SLC6A15: variants seen among roughly 807,000 people sequenced by gnomAD.
The protein encoded by SLC6A15 is solute carrier family 6 member 15.
In SLC6A15, 33 loss-of-function variants were observed where a neutral mutation model predicts 68.5. That is an observed-to-expected ratio of 0.48 (90% CI 0.37 to 0.64). The LOEUF is 0.64. Among genes scored for constraint, SLC6A15 ranks in the 30% least tolerant of loss-of-function variants. The pLI, the probability that SLC6A15 is intolerant of heterozygous loss-of-function variation, is 0.00. For synonymous variants in SLC6A15, 347 were observed against 301.0 expected (o/e 1.15, Z -1.58); for missense variants, 747 against 874.3 (o/e 0.85, Z 1.84).
intron 1 of SLC6A15, among the ~76,000 whole-genome samples, chr12:84,900,289 C>T (rs558692741): frequency 1.0e-3 from 152 of 151,968 alleles, no homozygotes; most frequent in African/African-American, 3.6e-3. Flanking sequence ...CTAGTATATG[C>T]AATATAACTG....
rs780121072 is a variant in SLC6A15, at chr12:84,861,604, A to T, written c.*28T>A. ...CAATGTTCATTGGTAAAAATGAACC[A>T]AATAAAACCCACTGACTTTTCCCCC... On this transcript the variant is annotated 3_prime_UTR_variant, in exon 12 of 12. Transcript: ENST00000266682. 2 of 1,564,196 alleles carry T rather than the reference A, an allele frequency of 1.3e-6. No homozygotes were observed. Among genetic ancestry groups the T allele is most frequent in the Non-Finnish European group, 1.7e-6 (2 of 1,152,762 alleles).
chr12:84,883,474 C>T, intron 5 of SLC6A15: 2 of 1,186,894 alleles, frequency 1.7e-6, no homozygotes, highest in Non-Finnish European at 2.1e-6. Flanking sequence ...TGATATCAAA[C>T]AAACAAAATG....
intron 4 of SLC6A15, among the ~76,000 whole-genome samples, chr12:84,884,624 A>T (rs1026763824): frequency 9.2e-5 from 14 of 152,050 alleles, no homozygotes; most frequent in African/African-American, 3.1e-4. Context: ...AAGTAATTTA[A>T]ACAAATCAGG....
rs111801594 is a variant in SLC6A15, at chr12:84,885,574, A to G, written c.448-13T>C. On this transcript the variant is annotated splice_polypyrimidine_tract_variant and intron_variant, in intron 3 of 11. Coordinates refer to ENST00000266682, the MANE Select transcript of SLC6A15 (RefSeq NM_182767.6). ...CAAAATAGCACACCTGCAAAATAAAATGATATCCCATTAAACCTCTCATAC... is the reference window on the plus strand; with the variant it reads ...CAAAATAGCACACCTGCAAAATAAAGTGATATCCCATTAAACCTCTCATAC... 1,017 of 1,608,086 alleles carry G rather than the reference A, an allele frequency of 6.3e-4. 4 individuals are homozygous for G. In the African/African-American group the frequency reaches 7.6e-3, roughly 12 times the overall value.
At position 84,892,160 on chromosome 12, in the gene SLC6A15, T is replaced by G. The variant is rs956311558; in HGVS notation, c.-40A>C. ...AGTATTTAAAAAAAAAAAAAAAAAC[T>G]CCCTTATGGCAAATGTGTTAACTCT... is the stretch of plus-strand genomic sequence containing the variant. On this transcript the variant is annotated 5_prime_UTR_variant, in exon 2 of 12. Coordinates refer to ENST00000266682, the MANE Select transcript of SLC6A15 (RefSeq NM_182767.6). 2.3e-6 allele frequency: 2 copies of G among 867,840 alleles called. No individual in the cohort carries two copies. The highest frequency in any genetic ancestry group is 3.1e-5 in the South Asian group (2 of 64,888). 53.8% of individuals were successfully genotyped at this position (867,840 alleles called of 1,614,324 possible).
At position 84,861,381 on chromosome 12, in the gene SLC6A15, TA is replaced by T. The variant is rs1036075018; in HGVS notation, c.*250del. 247 of 355,568 alleles carry T rather than the reference TA, an allele frequency of 6.9e-4. No homozygotes were observed. Among genetic ancestry groups the T allele is most frequent in the East Asian group, 1.0e-3 (25 of 24,010 alleles). The allele number at this position is 355,568 out of a possible 1,614,324, so 22.0% of individuals were successfully genotyped here. Reference sequence around the variant, plus strand: ...TATTTGAAAATACACCAAAGGTACTTAAAAAAAAATCCTGGCAAACATGTAC... The same window carrying T: ...TATTTGAAAATACACCAAAGGTACTTAAAAAAAATCCTGGCAAACATGTAC... On this transcript the variant is annotated 3_prime_UTR_variant, in exon 12 of 12. Coordinates refer to ENST00000266682, the MANE Select transcript of SLC6A15 (RefSeq NM_182767.6).
At position 84,911,468 on chromosome 12, in the gene SLC6A15, T is replaced by C. The variant is rs530682998; in HGVS notation, c.-189+1055A>G. ...ACCCCGCCCCGTCTTACTCCAGCCT[T>C]TCCCAGCTAGGGAGGAGGATGGAAA... On this transcript the variant is annotated intron_variant, in intron 1 of 11. Coordinates refer to ENST00000266682, the MANE Select transcript of SLC6A15 (RefSeq NM_182767.6). 2.0e-5 allele frequency among the ~76,000 whole-genome samples: 3 copies of C among 152,264 alleles called. No individual in the cohort carries two copies. The East Asian group carries it at 5.8e-4, about 30-fold the overall frequency.
intron 11 of SLC6A15, 139 bp from the exon 12 acceptor site, chr12:84,862,145 A>G: frequency 1.3e-6 from 1 of 795,078 alleles, no homozygotes; most frequent in Non-Finnish European, 1.9e-6. Flanking sequence ...AAGCAGTAGA[A>G]GTGACACTCA....
chr12:84,866,128 G>A (rs143233017), intron 10 of SLC6A15, among the ~76,000 whole-genome samples: 2 of 152,116 alleles, frequency 1.3e-5, no homozygotes, highest in Non-Finnish European at 2.9e-5. Flanking sequence ...TCTTTATGCT[G>A]CTTAAAAGGA....
intron 1 of SLC6A15, among the ~76,000 whole-genome samples, chr12:84,897,061 C>T (rs1339687382): frequency 6.6e-6 from 1 of 152,026 alleles, no homozygotes; most frequent in Non-Finnish European, 1.5e-5. Flanking sequence ...GGTGTGGTGG[C>T]AGGTGCCTGT....
chr12:84,907,103 A>G (rs557589379), intron 1 of SLC6A15, among the ~76,000 whole-genome samples: 11 of 152,288 alleles, frequency 7.2e-5, no homozygotes, highest in Non-Finnish European at 1.5e-4. Flanking sequence ...TAATCCCAGC[A>G]CTTTGGGAGG....
rs1312457962 is a variant in SLC6A15, at chr12:84,862,019, A to AC, written c.1819-14_1819-13insG. On this transcript the variant is annotated splice_polypyrimidine_tract_variant and intron_variant, in intron 11 of 11. Coordinates refer to ENST00000266682, the MANE Select transcript of SLC6A15 (RefSeq NM_182767.6). ...ATTCTTCAGATGCCTGTTAAAGAAG[A>AC]AAATAATAATTATTAGTAATCTATC... 1.3e-6 allele frequency: 2 copies of AC among 1,555,954 alleles called. No individual in the cohort carries two copies. The highest frequency in any genetic ancestry group is 2.5e-5 in the South Asian group (2 of 80,770).
At chr12:84,889,138 T>A (rs927724272) in intron 2 of SLC6A15, among the ~76,000 whole-genome samples, 3 of 152,174 alleles carry the variant, frequency 2.0e-5, no homozygotes, top group Admixed American at 2.0e-4. Flanking sequence ...TCTCACTAGA[T>A]CTACCCTTTT....
intron 9 of SLC6A15, chr12:84,867,650 G>A (rs1465703092): frequency 2.0e-5 from 3 of 151,990 alleles, no homozygotes; most frequent in Non-Finnish European, 4.4e-5. Flanking sequence ...ATATTATTAT[G>A]AAATATACAT....
chr12:84,874,587 T>C (rs1338162885), intron 6 of SLC6A15: 1 of 152,224 alleles, frequency 6.6e-6, no homozygotes, highest in African/African-American at 2.4e-5. Flanking sequence ...CTTCAACTAA[T>C]TTTGGTTATT....
rs745927051 is a variant in SLC6A15, at chr12:84,892,155, A to AC, written c.-36_-35insG. ...TGCGAAGTATTTAAAAAAAAAAAAA[A>AC]AAACTCCCTTATGGCAAATGTGTTA... On this transcript the variant is annotated 5_prime_UTR_variant, in exon 2 of 12. Coordinates refer to ENST00000266682, the MANE Select transcript of SLC6A15 (RefSeq NM_182767.6). The AC allele has an allele frequency of 5.2e-6, 8 of 1,544,306 alleles. No individual in the cohort carries two copies. In the Admixed American group the frequency reaches 6.6e-5, roughly 13 times the overall value.
chr12:84,888,089 A>T (rs1415671960), intron 2 of SLC6A15, among the ~76,000 whole-genome samples: 1 of 147,074 alleles, frequency 6.8e-6, no homozygotes, highest in Non-Finnish European at 1.5e-5. Flanking sequence ...ATAAAATACA[A>T]AAAACAAAGG....
intron 10 of SLC6A15, among the ~76,000 whole-genome samples, chr12:84,865,038 T>A (rs534994707): frequency 6.6e-6 from 1 of 152,336 alleles, no homozygotes; most frequent in East Asian, 1.9e-4. Flanking sequence ...TAACGAACTG[T>A]CTAAATGGAA....
Position 84,861,907 on chromosome 12 carries a change from G to A in SLC6A15, c.1918C>T (p.Arg640Cys), listed in dbSNP as rs772296811. 1.9e-6 allele frequency: 3 copies of A among 1,613,714 alleles called. No homozygotes were observed. Among genetic ancestry groups the A allele is most frequent in the African/African-American group, 2.7e-5 (2 of 74,840 alleles). ...ILPVPVVFIV[R>C]RFNLIDDSSG... Reference sequence around the variant, plus strand: ...CTATCATCTATAAGGTTGAAGCGACGAACAATGAAAACTACAGGGACTGGG... The same window carrying A: ...CTATCATCTATAAGGTTGAAGCGACAAACAATGAAAACTACAGGGACTGGG... The change falls in exon 12 of 12, where the codon CGT (arginine) becomes TGT (cysteine). Residue 640 changes from arginine (R) to cysteine (C), a missense_variant. By Grantham distance (180) the Arg-to-Cys change is radical. Transcript: ENST00000266682.
Sources: allele counts gnomAD v4.1 joint callset (sites outside exome capture counted in the v4.1 genomes callset), GRCh38; gene constraint gnomAD v4.1.1; transcripts MANE v1.5; gene names NCBI Gene and HGNC (gene_info 2026-07-23, HGNC 2026-07-21).